The following BTD variants were observed in gnomAD, a reference collection of about 807,000 sequenced individuals.
BTD encodes biocytinase.
In BTD, 13 loss-of-function variants were observed where a neutral mutation model predicts 17.7. The ratio of observed to expected loss-of-function variants is 0.74; its 90% CI spans 0.48 to 1.17. BTD has a LOEUF of 1.17. BTD is among the 50% of genes most tolerant of loss of function. The pLI is 0.00. For synonymous variants in BTD, 240 were observed against 245.2 expected, an observed-to-expected ratio of 0.98 and a Z score of 0.20; for missense variants, 674 against 650.4, an observed-to-expected ratio of 1.04 and a Z score of -0.39.
Position 15,625,660 on chromosome 3 carries a change from A to G in BTD, c.-16-9764A>G. Among the ~76,000 whole-genome samples, 2 of 152,126 alleles carry G rather than the reference A, an allele frequency of 1.3e-5. 1 individual carries two copies. Among genetic ancestry groups the G allele is most frequent in the East Asian group, 3.9e-4 (2 of 5,186 alleles). Reference sequence around the variant, plus strand: ...AATCTCCACCTCCCGGGTTCAAGCAATTCTCCTGTCTCGGCCTCCCAAGTA... The same window carrying G: ...AATCTCCACCTCCCGGGTTCAAGCAGTTCTCCTGTCTCGGCCTCCCAAGTA... On this transcript the variant is annotated intron_variant, in intron 1 of 3. Transcript: ENST00000643237.
intron 3 of BTD, among the ~76,000 whole-genome samples, chr3:15,700,750 G>A (rs573325201): frequency 2.6e-5 from 4 of 152,260 alleles, no homozygotes; most frequent in African/African-American, 9.6e-5. Flanking sequence ...CTCCAGCCTG[G>A]CGACAGAGTG....
In BTD at chr3:15,635,364, G is replaced by A. The variant is rs561203711; in HGVS notation, c.-16-60G>A. The stretch of plus-strand genomic sequence containing the variant: ...GGATTAATAAATCACAGCTGCAAAC[G>A]TTAAATTCTTGGCAGGATTCTTTAT... On this transcript the variant is annotated intron_variant, in intron 1 of 3. Transcript: ENST00000643237. This position sits in a 1 kb window ranked among gnomAD's most constrained non-coding sequence, Gnocchi z 4.1. The A allele has an allele frequency of 4.7e-3, 7,637 of 1,611,280 alleles. 30 individuals carry two copies. Among genetic ancestry groups the A allele is most frequent in the Non-Finnish European group, 6.0e-3 (7,089 of 1,178,294 alleles).
chr3:15,629,905 T>G (rs960979937), intron 1 of BTD: 61 of 337,044 alleles, frequency 1.8e-4, no homozygotes, highest in Non-Finnish European at 2.6e-4. Flanking sequence ...CTGCTTTGTG[T>G]GGCAGGAAGA....
intron 1 of BTD, among the ~76,000 whole-genome samples, chr3:15,623,216 G>A: frequency 6.6e-6 from 1 of 152,190 alleles, no homozygotes; most frequent in Non-Finnish European, 1.5e-5. Context: ...TGAAATTTGG[G>A]TGGAGACACA....
At position 15,694,843 on chromosome 3, in the gene BTD, G is replaced by A. The variant is rs139623296; in HGVS notation, c.400-15217G>A. ...AAAAGAAGAGGCATTTTAAATGTCA[G>A]AAAGACATACTACAGCAATTATTCT... On this transcript the variant is annotated intron_variant, in intron 3 of 3. Coordinates refer to the BTD transcript ENST00000672141. 1.8e-5 allele frequency: 28 copies of A among 1,594,612 alleles called. No homozygotes were observed. In the East Asian group the frequency reaches 4.7e-4, roughly 27 times the overall value.
At chr3:15,700,647 G>A (rs1468843937) in intron 3 of BTD, among the ~76,000 whole-genome samples, 5 of 151,964 alleles carry the variant, frequency 3.3e-5, no homozygotes, top group African/African-American at 4.8e-5. Flanking sequence ...GGTGGCGGGC[G>A]CCTGTAGTCC....
intron 3 of BTD, chr3:15,668,497 T>C (rs1575050446): frequency 6.5e-6 from 1 of 152,692 alleles, no homozygotes; most frequent in East Asian, 1.9e-4. Context: ...ATTAGATTTA[T>C]AATTTCTGTA....
intron 1 of BTD, 144 bp downstream of exon 1, chr3:15,602,038 G>C: frequency 6.7e-7 from 1 of 1,483,790 alleles, no homozygotes; most frequent in Non-Finnish European, 9.0e-7. Flanking sequence ...CGTTTGCTGG[G>C]GCTGTTTGTG....
At chr3:15,701,046 C>G (rs912448435) in intron 3 of BTD, among the ~76,000 whole-genome samples, 4 of 152,142 alleles carry the variant, frequency 2.6e-5, no homozygotes, top group Non-Finnish European at 5.9e-5. Context: ...ATTCTTTAAT[C>G]AAATACTCCT....
Position 15,622,921 on chromosome 3 carries a change from A to C in BTD, c.-16-12503A>C, listed in dbSNP as rs566363842. Among the ~76,000 whole-genome samples, 10 of 152,342 alleles carry C rather than the reference A, an allele frequency of 6.6e-5. No individual in the cohort carries two copies. In the South Asian group the frequency reaches 2.1e-3, roughly 32 times the overall value. On this transcript the variant is annotated intron_variant, in intron 1 of 3. Transcript: ENST00000643237. ...CTGTTTTCATGCTGTTAATAAAGAC[A>C]TACCTGAGACTGGGTAATTTATAAA...
intron 1 of BTD, among the ~76,000 whole-genome samples, chr3:15,617,088 C>G (rs2064816100): frequency 6.6e-6 from 1 of 152,202 alleles, no homozygotes. Flanking sequence ...CTGCCTTGGC[C>G]TCCCAAAGTG....
At chr3:15,709,107 C>T (rs2071871125) in intron 3 of BTD, among the ~76,000 whole-genome samples, 1 of 152,176 alleles carries the variant, frequency 6.6e-6, no homozygotes, top group East Asian at 1.9e-4. Flanking sequence ...TGCTGAATGA[C>T]TACAAAGACT....
At chr3:15,698,802 A>C (rs2070082252) in intron 3 of BTD, among the ~76,000 whole-genome samples, 1 of 152,208 alleles carries the variant, frequency 6.6e-6, no homozygotes, top group South Asian at 2.1e-4. Context: ...TATTGTGAAA[A>C]TGGCCATACT....
intron 4 of BTD, among the ~76,000 whole-genome samples, chr3:15,718,842 T>C (rs2124860571): frequency 6.6e-6 from 1 of 152,326 alleles, no homozygotes; most frequent in South Asian, 2.1e-4. Context: ...TCAAGATTAA[T>C]TCCAAATCTT....
At chr3:15,675,886 G>GAACC (rs754496965) in intron 3 of BTD, 25 of 1,597,566 alleles carry the variant, frequency 1.6e-5, no homozygotes, top group Non-Finnish European at 2.1e-5. Context: ...AGAGAATATA[G>GAACC]AACCAACTTA....
chr3:15,715,521 T>C (rs772280804), downstream of BTD, among the ~76,000 whole-genome samples: 17 of 152,176 alleles, frequency 1.1e-4, no homozygotes, highest in Non-Finnish European at 2.4e-4. Flanking sequence ...AAACAAGCCA[T>C]CCAATTGACA....
intron 1 of BTD, among the ~76,000 whole-genome samples, chr3:15,623,420 A>G (rs2064998245): frequency 6.6e-6 from 1 of 152,066 alleles, no homozygotes; most frequent in Non-Finnish European, 1.5e-5. Flanking sequence ...ATATAGTTGG[A>G]TTATTATCTA....
chr3:15,614,047 A>T (rs1180716784), intron 1 of BTD, among the ~76,000 whole-genome samples: 1 of 150,214 alleles, frequency 6.7e-6, no homozygotes, highest in Non-Finnish European at 1.5e-5. Flanking sequence ...TATTATTAAA[A>T]TTCTCACCTA....
At chr3:15,701,381 A>G (rs1277387688) in intron 3 of BTD, among the ~76,000 whole-genome samples, 1 of 152,222 alleles carries the variant, frequency 6.6e-6, no homozygotes, top group Non-Finnish European at 1.5e-5. Flanking sequence ...GCAGTGGCTC[A>G]TGCCTGTAAT....
Sources: gnomAD v4.1 joint callset for allele counts (sites outside exome capture counted in the v4.1 genomes callset) on GRCh38, gnomAD v4.1.1 for gene constraint, Gnocchi (gnomAD v3.1) non-coding constraint, MANE v1.5 for transcripts, NCBI Gene and HGNC (gene_info 2026-07-23, HGNC 2026-07-21) for gene names.